Variants in NHSL2 observed in about 807,000 individuals in gnomAD.
The protein encoded by NHSL2 is NHS-like protein 2.
NHSL2 carries 27 observed loss-of-function variants against 53.4 expected under a neutral mutation model. The observed-to-expected ratio is 0.51, with a 90% CI of 0.37 to 0.70. The LOEUF (loss-of-function observed/expected upper bound fraction) is 0.70, where lower values mean the gene tolerates loss of function less well. NHSL2 is among the 30% of genes least tolerant of loss of function. The pLI, the probability that NHSL2 is intolerant of heterozygous loss-of-function variation, is 0.00. For synonymous variants in NHSL2, 408 were observed against 404.1 expected, an observed-to-expected ratio of 1.01 and a Z score of -0.12; for missense variants, 892 against 980.1, an observed-to-expected ratio of 0.91 and a Z score of 1.20.
At chrX:72,061,770 G>A (rs1344347952) in intron 1 of NHSL2, among the ~76,000 whole-genome samples, 1 of 112,037 alleles carries the variant, frequency 8.9e-6, no homozygotes, top group Non-Finnish European at 1.9e-5. Flanking sequence ...AGACATCGAG[G>A]TCCCTCTCAC....
chrX:71,949,069 T>A (rs1210411507), intron 1 of NHSL2, among the ~76,000 whole-genome samples: 1 of 110,575 alleles, frequency 9.0e-6, no homozygotes, highest in African/African-American at 3.3e-5. Flanking sequence ...ATGTAGTTTT[T>A]ATGAAGCCAA....
At chrX:72,135,321 T>C (rs1370870509) in intron 4 of NHSL2, among the ~76,000 whole-genome samples, 1 of 111,764 alleles carries the variant, frequency 8.9e-6, no homozygotes, top group African/African-American at 3.3e-5. Flanking sequence ...ACGTGCTGTA[T>C]TATATGTAGC....
In NHSL2 at chrX:71,950,634, A is replaced by G. The variant is rs1270495747; in HGVS notation, c.280+39267A>G. On this transcript the variant is annotated intron_variant, in intron 1 of 7. Coordinates refer to ENST00000633930, the MANE Select transcript of NHSL2 (RefSeq NM_001013627.3). ...AGTGCCCAAGAATGGCATATGCCTT[A>G]CAAGCTGCCCAAGGGCCGGGCATCT... 6.2e-5 allele frequency among the ~76,000 whole-genome samples: 7 copies of G among 112,631 alleles called. No homozygotes were observed. The East Asian group carries it at 2.0e-3, about 32-fold the overall frequency.
chrX:72,079,587 A>G (rs1474953492), intron 1 of NHSL2, among the ~76,000 whole-genome samples: 1 of 112,622 alleles, frequency 8.9e-6, no homozygotes. Flanking sequence ...GTTGGGGGAA[A>G]TTGAATGGAA....
At position 72,148,293 on chromosome X, in the gene NHSL2, TTGG is replaced by T. The variant is rs1455168078; in HGVS notation, c.*4725_*4727del. On this transcript the variant is annotated 3_prime_UTR_variant, in exon 8 of 8. Coordinates refer to ENST00000633930, the MANE Select transcript of NHSL2 (RefSeq NM_001013627.3). ...TCCAATCAATGTCAGTCGTCCAGTA[TTGG>T]TGGTGATTATTAAACTTATTGGAGG... The T allele has an allele frequency of 8.9e-6, 1 of 111,810 alleles. No individual in the cohort carries two copies. The highest frequency in any genetic ancestry group is 1.9e-5 in the Non-Finnish European group (1 of 53,155). The allele number at this position is 111,810 out of a possible 1,213,427, so 9.2% of individuals were successfully genotyped here. A position where few individuals can be genotyped will look rare whatever the true frequency, so the allele number is the denominator to read the frequency against.
chrX:71,957,654 C>T (rs924847308), intron 1 of NHSL2, among the ~76,000 whole-genome samples: 2 of 110,723 alleles, frequency 1.8e-5, no homozygotes, highest in Non-Finnish European at 3.8e-5. Flanking sequence ...TGTGCCTCAG[C>T]GTAAGGTAGG....
Position 72,153,266 on chromosome X carries a change from A to G in NHSL2, c.*9692A>G, listed in dbSNP as rs1236282379. On this transcript the variant is annotated 3_prime_UTR_variant, in exon 8 of 8. Transcript: ENST00000633930. ...AGAGCTGTTTGTGTCTTCTTAAAAT[A>G]AACTTTTTCTGTTAAAATCATTTTC... 1 of 112,584 alleles carries G rather than the reference A, an allele frequency of 8.9e-6. No homozygotes were observed. Among genetic ancestry groups the G allele is most frequent in the Non-Finnish European group, 1.9e-5 (1 of 53,319 alleles). 9.3% of individuals were successfully genotyped at this position (112,584 alleles called of 1,213,427 possible).
chrX:72,130,778 C>T, intron 1 of NHSL2: 4 of 1,211,693 alleles, frequency 3.3e-6, no homozygotes, highest in Non-Finnish European at 4.5e-6. Context: ...AAAGCATCTG[C>T]ATAGCTGCCG....
chrX:72,068,882 G>A (rs1011985364), intron 1 of NHSL2, among the ~76,000 whole-genome samples: 3 of 111,857 alleles, frequency 2.7e-5, no homozygotes, highest in Admixed American at 9.4e-5. Context: ...GGTACACCTG[G>A]TGGCCACACT....
chrX:71,932,053 A>G (rs186315186), intron 1 of NHSL2, among the ~76,000 whole-genome samples: 60 of 112,545 alleles, frequency 5.3e-4, no homozygotes, highest in African/African-American at 1.7e-3. Flanking sequence ...ACAATTAGCC[A>G]TGGCCCTTGC....
intron 1 of NHSL2, among the ~76,000 whole-genome samples, chrX:71,922,539 A>G: frequency 8.9e-6 from 1 of 111,919 alleles, no homozygotes; most frequent in Non-Finnish European, 1.9e-5. Context: ...TAGGTGGGAG[A>G]GGTGGCACGG....
Position 72,140,434 on chromosome X carries a change from A to G in NHSL2, c.2886A>G (p.Gly962=). ...FASSSDAFFS[G]TQQPPQGSVE... Reference sequence around the variant, plus strand: ...GTTCCTCTGATGCTTTCTTCTCAGGAACACAGCAGCCTCCCCAGGGAAGTG... The same window carrying G: ...GTTCCTCTGATGCTTTCTTCTCAGGGACACAGCAGCCTCCCCAGGGAAGTG... Residue 962 remains glycine, a synonymous_variant, in exon 6 of 8, where the codon GGA becomes GGG. Transcript: ENST00000633930. 1 of 1,209,653 alleles carries G rather than the reference A, an allele frequency of 8.3e-7. No homozygotes were observed. The highest frequency in any genetic ancestry group is 1.1e-6 in the Non-Finnish European group (1 of 894,369).
intron 1 of NHSL2, among the ~76,000 whole-genome samples, chrX:72,029,186 T>G (rs191520784): frequency 2.7e-5 from 3 of 110,201 alleles, no homozygotes; most frequent in Non-Finnish European, 5.7e-5. Context: ...AGGACTGGAG[T>G]CATAACTGGC....
chrX:71,962,319 C>A (rs185895783), intron 1 of NHSL2, among the ~76,000 whole-genome samples: 2 of 111,333 alleles, frequency 1.8e-5, no homozygotes, highest in African/African-American at 6.5e-5. Flanking sequence ...GCAATGCTGC[C>A]CTCAGAGAAT....
At chrX:72,087,897 A>G (rs889466397) in intron 1 of NHSL2, among the ~76,000 whole-genome samples, 5 of 110,217 alleles carry the variant, frequency 4.5e-5, no homozygotes, top group Non-Finnish European at 1.9e-5. Context: ...AAACAAAAAA[A>G]GTTGGATACA....
At chrX:72,051,310 T>C (rs938450511) in intron 1 of NHSL2, among the ~76,000 whole-genome samples, 2 of 112,526 alleles carry the variant, frequency 1.8e-5, no homozygotes, top group African/African-American at 6.5e-5. Context: ...TTCTTGTAGA[T>C]ATTTCCCCAT....
intron 4 of NHSL2, among the ~76,000 whole-genome samples, chrX:72,136,862 T>C (rs2042359907): frequency 8.9e-6 from 1 of 112,000 alleles, no homozygotes; most frequent in South Asian, 3.7e-4. Flanking sequence ...TAGCCCAGGG[T>C]TGAAAACCAC....
chrX:72,112,584 A>T (rs1342404313), intron 1 of NHSL2, among the ~76,000 whole-genome samples: 2 of 112,402 alleles, frequency 1.8e-5, no homozygotes, highest in African/African-American at 6.5e-5. Context: ...ATCTGGACAT[A>T]TCATAGAAAT....
intron 1 of NHSL2, among the ~76,000 whole-genome samples, chrX:72,052,562 A>C (rs1239799591): frequency 8.9e-6 from 1 of 112,032 alleles, no homozygotes; most frequent in Non-Finnish European, 1.9e-5. Flanking sequence ...GGGATGAGGG[A>C]GGAGATGGAG....
Sources: gnomAD v4.1 joint callset for allele counts (sites outside exome capture counted in the v4.1 genomes callset) on GRCh38, gnomAD v4.1.1 for gene constraint, MANE v1.5 for transcripts, NCBI Gene and HGNC (gene_info 2026-07-23, HGNC 2026-07-21) for gene names.